Variants in NDUFS7 observed in about 807,000 individuals in gnomAD.
NDUFS7 encodes NADH dehydrogenase [ubiquinone] iron-sulfur protein 7, mitochondrial.
In NDUFS7, 11 loss-of-function variants were observed where a neutral mutation model predicts 31.1. The observed-to-expected ratio is 0.35, with a 90% CI of 0.22 to 0.59. The LOEUF is 0.59. Among genes scored for constraint, NDUFS7 ranks in the 20% least tolerant of loss-of-function variants. The probability of loss-of-function intolerance (pLI) is 0.79; values close to 1 mark genes in which losing one functional copy is unlikely to be tolerated. For missense variants in NDUFS7, 263 were observed against 324.2 expected (o/e 0.81, Z 1.45); for synonymous variants, 136 against 127.9 (o/e 1.06, Z -0.43).
chr19:1,387,635 G>T, intron 1 of NDUFS7, 176 bp from the exon 2 acceptor site: 1 of 662,380 alleles, frequency 1.5e-6, no homozygotes. Flanking sequence ...TCAAGCAGGG[G>T]ACTAAGACTC....
At chr19:1,386,530 T>A (rs1408680328) in intron 1 of NDUFS7, 2 of 152,272 alleles carry the variant, frequency 1.3e-5, no homozygotes, top group Non-Finnish European at 2.9e-5. Flanking sequence ...GGAGTCTCCC[T>A]CTGTCACCCA....
rs1555775842 is a variant in NDUFS7, at chr19:1,391,061, T to TCCCAGGCG, written c.408+16_408+17insGCGCCCAG. ...CCAGCGCTTCGCAAGGTAGGCCTCG[T>TCCCAGGCG]CCCAGCCGCCCAGCCGCCCCCAGAG... On this transcript the variant is annotated intron_variant, in intron 5 of 7. Coordinates refer to ENST00000233627, the MANE Select transcript of NDUFS7 (RefSeq NM_024407.5). 1.2e-6 allele frequency: 2 copies of TCCCAGGCG among 1,612,558 alleles called. No homozygotes were observed. Among genetic ancestry groups the TCCCAGGCG allele is most frequent in the African/African-American group, 1.3e-5 (1 of 74,824 alleles).
At chr19:1,394,501 T>TCCC in intron 7 of NDUFS7, 1 of 1,243,070 alleles carries the variant, frequency 8.0e-7, no homozygotes, top group Non-Finnish European at 1.0e-6. Flanking sequence ...TCCTCCCTCC[T>TCCC]TGGGGACCGT....
chr19:1,390,048 C>T (rs993897937), intron 4 of NDUFS7: 22 of 155,178 alleles, frequency 1.4e-4, no homozygotes, highest in African/African-American at 5.3e-4. Flanking sequence ...GTGCCCGCCA[C>T]CACGCCCGGC....
At chr19:1,394,827 G>A (rs1408712543) in intron 7 of NDUFS7, 46 of 1,164,896 alleles carry the variant, frequency 3.9e-5, no homozygotes, top group African/African-American at 8.1e-5. Flanking sequence ...TGCTGTCCCC[G>A]TTGGGCCCTG....
In NDUFS7 at chr19:1,393,508, G is replaced by A. The variant is rs1248747255; in HGVS notation, c.544+178G>A. On this transcript the variant is annotated intron_variant, in intron 7 of 7. Coordinates refer to ENST00000233627, the MANE Select transcript of NDUFS7 (RefSeq NM_024407.5). The surrounding 1 kb of genome is among the most constrained non-coding windows in gnomAD (Gnocchi z 7.3). ...TGGAGCCTGTCCCCTGTGAGAAGTCGGCGATGTATTCAGGCATCAGAGGGA... is the reference window on the plus strand; with the variant it reads ...TGGAGCCTGTCCCCTGTGAGAAGTCAGCGATGTATTCAGGCATCAGAGGGA... 4 of 693,704 alleles carry A rather than the reference G, an allele frequency of 5.8e-6. No homozygotes were observed. Among genetic ancestry groups the A allele is most frequent in the Non-Finnish European group, 7.9e-6 (3 of 380,500 alleles). 43.0% of individuals were successfully genotyped at this position (693,704 alleles called of 1,614,324 possible). A position where few individuals can be genotyped will look rare whatever the true frequency, so the allele number is the denominator to read the frequency against.
At chr19:1,394,897 G>T in intron 7 of NDUFS7, 10 of 1,116,972 alleles carry the variant, frequency 9.0e-6, no homozygotes, top group Non-Finnish European at 1.1e-5. Flanking sequence ...GGGACTGGGG[G>T]ATCCCCAGCA....
chr19:1,394,320 G>A (rs1568997728), intron 7 of NDUFS7: 1 of 1,271,042 alleles, frequency 7.9e-7, no homozygotes, highest in South Asian at 1.2e-5. Flanking sequence ...GGTCCATCCT[G>A]GGGTCAGGAG....
At chr19:1,394,591 CCCT>C (rs2082582020) in intron 7 of NDUFS7, 1 of 1,223,324 alleles carries the variant, frequency 8.2e-7, no homozygotes, top group South Asian at 1.4e-5. Flanking sequence ...CCGCGCTCGG[CCCT>C]CCCTGGGGAC....
In NDUFS7 at chr19:1,393,245, C is replaced by T. The variant is rs138774812; in HGVS notation, c.459C>T (p.Cys153=). 41 of 1,563,276 alleles carry T rather than the reference C, an allele frequency of 2.6e-5. No homozygotes were observed. Among genetic ancestry groups the T allele is most frequent in the Middle Eastern group, 1.7e-4 (1 of 6,032 alleles). Residue 153 remains cysteine, a synonymous_variant, in exon 7 of 8, where the codon TGC becomes TGT. Transcript: ENST00000233627. The surrounding 1 kb of genome is among the most constrained non-coding windows in gnomAD (Gnocchi z 7.3). ...EPRYVVSMGS[C]ANGGGYYHYS... ...CCTCACGGTGCCTCCCCAACAGCTG[C>T]GCCAACGGAGGAGGCTACTACCACT...
chr19:1,394,995 G>A, intron 7 of NDUFS7: 1 of 1,131,432 alleles, frequency 8.8e-7, no homozygotes, highest in Non-Finnish European at 1.1e-6. Context: ...CCTCCGCCCA[G>A]CCTCCCTGCC....
intron 1 of NDUFS7, 88 bp downstream of exon 1, chr19:1,384,030 G>T: frequency 2.8e-6 from 4 of 1,416,674 alleles, no homozygotes; most frequent in Non-Finnish European, 3.7e-6. Flanking sequence ...GGGGGTCGGT[G>T]CCGGCGTCGT....
At chr19:1,390,840 G>C in intron 4 of NDUFS7, 31 bp from the exon 5 acceptor site, 1 of 1,600,606 alleles carries the variant, frequency 6.2e-7, no homozygotes, top group Non-Finnish European at 8.5e-7. Flanking sequence ...GGCTCCGGGG[G>C]TGGCGTCTGA....
intron 7 of NDUFS7, chr19:1,394,662 C>T (rs1484668957): frequency 8.2e-7 from 1 of 1,223,570 alleles, no homozygotes; most frequent in East Asian, 5.8e-5. Context: ...TCGCTCCTCC[C>T]TCCCTCCCTG....
intron 2 of NDUFS7, 145 bp downstream of exon 2, chr19:1,387,992 C>T (rs184023208): frequency 2.2e-4 from 173 of 800,146 alleles, no homozygotes; most frequent in African/African-American, 2.0e-3. Context: ...ACGGTCTGCA[C>T]GCTGCCCGTG....
chr19:1,390,791 C>T (rs2082549692), intron 4 of NDUFS7, 80 bp from the exon 5 acceptor site: 1 of 1,504,232 alleles, frequency 6.6e-7, no homozygotes, highest in African/African-American at 1.4e-5. Flanking sequence ...GTCGGGGGTT[C>T]TGGGTGCTCC....
intron 7 of NDUFS7, chr19:1,395,095 G>A: frequency 3.8e-6 from 5 of 1,312,932 alleles, no homozygotes; most frequent in Non-Finnish European, 4.9e-6. Context: ...CTGAGGGCTG[G>A]GGCCGGGGGC....
chr19:1,389,981 G>C (rs1038445347), intron 4 of NDUFS7: 2 of 166,630 alleles, frequency 1.2e-5, no homozygotes, highest in Non-Finnish European at 2.6e-5. Context: ...TCGGCTCACT[G>C]CATGCTCCGC....
intron 7 of NDUFS7, chr19:1,394,868 C>T: frequency 8.8e-7 from 1 of 1,132,616 alleles, no homozygotes; most frequent in South Asian, 2.0e-5. Context: ...GCCCTTTGTT[C>T]TGAACCTGCG....
Sources: allele counts gnomAD v4.1 joint callset, GRCh38; gene constraint gnomAD v4.1.1; non-coding constraint Gnocchi (gnomAD v3.1); transcripts MANE v1.5; gene names NCBI Gene and HGNC (gene_info 2026-07-23, HGNC 2026-07-21).